Variants in PREX2 observed in about 807,000 individuals in gnomAD.
PREX2 encodes the protein phosphatidylinositol 3,4,5-trisphosphate-dependent Rac exchanger 2 protein.
PREX2 carries 107 observed loss-of-function variants against 203.2 expected under a neutral mutation model. That is an observed-to-expected ratio of 0.53 (90% CI 0.45 to 0.62). PREX2 has a LOEUF of 0.62. Among genes scored for constraint, PREX2 ranks in the 20% least tolerant of loss-of-function variants. The probability of loss-of-function intolerance (pLI) is 0.00; values close to 1 mark genes in which losing one functional copy is unlikely to be tolerated. For synonymous variants in PREX2, 672 were observed against 663.6 expected (o/e 1.01, Z -0.19); for missense variants, 1,777 against 1,955.9 (o/e 0.91, Z 1.72).
At chr8:68,089,170 T>G (rs918711421) in intron 19 of PREX2, among the ~76,000 whole-genome samples, 1 of 144,190 alleles carries the variant, frequency 6.9e-6, no homozygotes, top group Non-Finnish European at 1.5e-5. Context: ...CACTTCAGCC[T>G]TGGATCAACC....
chr8:68,220,852 A>C (rs1480659995), intron 38 of PREX2, among the ~76,000 whole-genome samples: 2 of 152,180 alleles, frequency 1.3e-5, no homozygotes, highest in Non-Finnish European at 2.9e-5. Flanking sequence ...TAGCGATTAA[A>C]AGCACAGAAC....
At chr8:68,230,505 T>C (rs1456937855) in intron 39 of PREX2, among the ~76,000 whole-genome samples, 1 of 152,226 alleles carries the variant, frequency 6.6e-6, no homozygotes, top group Non-Finnish European at 1.5e-5. Flanking sequence ...GTAATGCATA[T>C]GGCCTTGAGA....
At chr8:68,055,332 A>G (rs1013898039) in intron 9 of PREX2, among the ~76,000 whole-genome samples, 2 of 152,222 alleles carry the variant, frequency 1.3e-5, no homozygotes, top group African/African-American at 2.4e-5. Context: ...CAAATGAGTT[A>G]GCTCTGCTTT....
intron 37 of PREX2, among the ~76,000 whole-genome samples, chr8:68,215,006 C>T (rs1163907657): frequency 1.3e-5 from 2 of 152,182 alleles, no homozygotes; most frequent in African/African-American, 4.8e-5. Context: ...AAAGAAAATA[C>T]ACATATCCAT....
Position 68,234,707 on chromosome 8 carries a change from C to A in PREX2, c.*3329C>A, listed in dbSNP as rs1340790993. 5 of 152,076 alleles carry A rather than the reference C, an allele frequency of 3.3e-5. No homozygotes were observed. The highest frequency in any genetic ancestry group is 1.2e-4 in the African/African-American group (5 of 41,424). The allele number at this position is 152,076 out of a possible 1,614,324, so 9.4% of individuals were successfully genotyped here. On this transcript the variant is annotated 3_prime_UTR_variant, in exon 40 of 40. Transcript: ENST00000288368. ...CAGTTCGCAAATCTGAAGTCTCATA[C>A]TGTTTTCTGTCTCTTTAAAACACAT...
intron 19 of PREX2, among the ~76,000 whole-genome samples, chr8:68,088,676 G>T (rs34900352): frequency 0.72 from 109,792 of 151,898 alleles, 39,753 homozygotes; most frequent in African/African-American, 0.76. Flanking sequence ...AGAAAGCTGT[G>T]TTTCTCTCAG....
chr8:68,070,323 A>G (rs1809159559), intron 13 of PREX2, among the ~76,000 whole-genome samples: 1 of 151,804 alleles, frequency 6.6e-6, no homozygotes, highest in Non-Finnish European at 1.5e-5. Flanking sequence ...CTTTTTTCCC[A>G]AGAAAAGATT....
chr8:68,135,953 C>A (rs1350996911), intron 32 of PREX2, among the ~76,000 whole-genome samples: 1 of 152,090 alleles, frequency 6.6e-6, no homozygotes. Flanking sequence ...AAGCATTATA[C>A]TAAGTGAAAT....
chr8:68,188,874 C>T (rs571758335), intron 35 of PREX2, among the ~76,000 whole-genome samples: 88 of 152,154 alleles, frequency 5.8e-4, no homozygotes, highest in African/African-American at 2.1e-3. Flanking sequence ...CATAAAGAAA[C>T]AAAAATGTCA....
At chr8:68,064,524 A>C (rs932099137) in intron 11 of PREX2, among the ~76,000 whole-genome samples, 93 of 121,880 alleles carry the variant, frequency 7.6e-4, no homozygotes, top group Admixed American at 3.4e-3. Context: ...GCACGCCACC[A>C]TACCCAGCTA....
At chr8:67,992,210 G>C (rs13271284) in intron 1 of PREX2, among the ~76,000 whole-genome samples, 73,283 of 151,820 alleles carry the variant, frequency 0.48, 18,045 homozygotes, top group South Asian at 0.61. Context: ...TGGTCTTAAG[G>C]TTCAATCAAG....
chr8:67,956,766 A>G (rs1805503287), intron 1 of PREX2, among the ~76,000 whole-genome samples: 1 of 152,162 alleles, frequency 6.6e-6, no homozygotes, highest in Admixed American at 6.5e-5. Context: ...TTCCTGGCAA[A>G]CCAGAATGCA....
intron 39 of PREX2, among the ~76,000 whole-genome samples, chr8:68,228,944 T>TAAA (rs58993264): frequency 1.5e-4 from 16 of 103,528 alleles, no homozygotes; most frequent in Admixed American, 3.5e-4. Flanking sequence ...CTTGTCTCTT[T>TAAA]AAAAAAAAAA....
chr8:68,104,847 T>C (rs1474971925), intron 23 of PREX2, among the ~76,000 whole-genome samples: 1 of 152,196 alleles, frequency 6.6e-6, no homozygotes, highest in Non-Finnish European at 1.5e-5. Flanking sequence ...AAGTTTGGGC[T>C]TGTGGTATCC....
intron 8 of PREX2, among the ~76,000 whole-genome samples, chr8:68,048,186 G>C (rs2129610995): frequency 6.6e-6 from 1 of 152,062 alleles, no homozygotes; most frequent in East Asian, 1.9e-4. Flanking sequence ...GATTCTTTCT[G>C]GGTCTACTAG....
intron 7 of PREX2, among the ~76,000 whole-genome samples, chr8:68,040,784 C>G (rs185321172): frequency 2.6e-4 from 40 of 152,254 alleles, no homozygotes; most frequent in African/African-American, 9.1e-4. Context: ...AATGCAATTT[C>G]TCTGGAAATT....
chr8:68,145,638 A>G (rs780919285), intron 33 of PREX2, among the ~76,000 whole-genome samples: 7 of 152,140 alleles, frequency 4.6e-5, no homozygotes, highest in Non-Finnish European at 8.8e-5. Context: ...TTTAGTTTTC[A>G]AGTTGATTGG....
rs555575197 is a variant in PREX2 at position 68,234,560 on chromosome 8, A to C, written c.*3182A>C. 19 of 152,230 alleles carry C rather than the reference A, an allele frequency of 1.2e-4. No homozygotes were observed. The highest frequency in any genetic ancestry group is 1.5e-4 in the Non-Finnish European group (10 of 68,042). The allele number at this position is 152,230 out of a possible 1,614,324, so 9.4% of individuals were successfully genotyped here. On this transcript the variant is annotated 3_prime_UTR_variant, in exon 40 of 40. Coordinates refer to ENST00000288368, the MANE Select transcript of PREX2 (RefSeq NM_024870.4). Reference sequence around the variant, plus strand: ...ATTAAAGTATGAAAAATTTGAGAAGATTAGAATTTTACATGTATTTCCATT... The same window carrying C: ...ATTAAAGTATGAAAAATTTGAGAAGCTTAGAATTTTACATGTATTTCCATT...
chr8:68,196,317 T>G (rs1433393108), intron 37 of PREX2, among the ~76,000 whole-genome samples: 2 of 149,914 alleles, frequency 1.3e-5, no homozygotes, highest in Admixed American at 1.3e-4. Context: ...GTTAAATATA[T>G]AGAAAAACAT....
Sources: gnomAD v4.1 joint callset for allele counts (sites outside exome capture counted in the v4.1 genomes callset) on GRCh38, gnomAD v4.1.1 for gene constraint, MANE v1.5 for transcripts, NCBI Gene and HGNC (gene_info 2026-07-23, HGNC 2026-07-21) for gene names.